The following ATP9B variants were observed in gnomAD, a reference collection of about 807,000 sequenced individuals.
ATP9B encodes the protein ATPase phospholipid transporting 9B, also known as probable phospholipid-transporting ATPase IIB.
ATP9B carries 110 observed loss-of-function variants against 146.1 expected under a neutral mutation model. The ratio of observed to expected loss-of-function variants is 0.75; its 90% confidence interval spans 0.65 to 0.88. ATP9B has a LOEUF of 0.88. Among genes scored for constraint, ATP9B ranks in the 40% least tolerant of loss-of-function variants. The probability of loss-of-function intolerance (pLI) is 0.00; values close to 1 mark genes in which losing one functional copy is unlikely to be tolerated. For missense variants in ATP9B, 1,499 were observed against 1,496.4 expected (o/e 1.00, Z -0.03); for synonymous variants, 604 against 569.7 (o/e 1.06, Z -0.86).
At chr18:79,125,348 A>G (rs2094265456) in intron 4 of ATP9B, among the ~76,000 whole-genome samples, 1 of 152,224 alleles carries the variant, frequency 6.6e-6, no homozygotes, top group Non-Finnish European at 1.5e-5. Flanking sequence ...AGAAGAATCC[A>G]TGTTTAAGTC....
At chr18:79,288,500 A>G (rs1412490443) in intron 13 of ATP9B, among the ~76,000 whole-genome samples, 3 of 151,890 alleles carry the variant, frequency 2.0e-5, no homozygotes, top group African/African-American at 4.8e-5. Flanking sequence ...TTTTGAGCCT[A>G]TGTCTGTCTC....
At chr18:79,147,231 A>AG (rs1010560918) in intron 6 of ATP9B, among the ~76,000 whole-genome samples, 1 of 145,622 alleles carries the variant, frequency 6.9e-6, no homozygotes, top group Non-Finnish European at 1.5e-5. Context: ...AGCTGAAAAA[A>AG]GTAGGCAAGT....
intron 29 of ATP9B, chr18:79,376,334 A>G (rs2097103259): frequency 9.1e-6 from 9 of 985,132 alleles, no homozygotes; most frequent in Non-Finnish European, 1.1e-5. Flanking sequence ...AAATTCTGCC[A>G]CAGAGTGTTG....
chr18:79,277,259 T>C (rs2096321652), intron 13 of ATP9B, 63 bp downstream of exon 13: 3 of 1,577,188 alleles, frequency 1.9e-6, no homozygotes, highest in Non-Finnish European at 2.6e-6. Flanking sequence ...AAAAATAGCA[T>C]AGCGTATAGA....
At chr18:79,327,136 C>T (rs2096752024) in intron 15 of ATP9B, among the ~76,000 whole-genome samples, 4 of 152,236 alleles carry the variant, frequency 2.6e-5, no homozygotes. Flanking sequence ...GATTTAATAT[C>T]CTGTGCACTA....
intron 19 of ATP9B, among the ~76,000 whole-genome samples, chr18:79,341,346 T>C (rs1041913346): frequency 6.0e-4 from 78 of 130,460 alleles, no homozygotes; most frequent in African/African-American, 2.2e-3. Flanking sequence ...GAAGTCTGTG[T>C]TGCCGACACA....
At chr18:79,155,051 T>A (rs1329482327) in intron 7 of ATP9B, among the ~76,000 whole-genome samples, 1 of 152,236 alleles carries the variant, frequency 6.6e-6, no homozygotes, top group African/African-American at 2.4e-5. Flanking sequence ...TACTTAAAAT[T>A]TGATGGCTAT....
In ATP9B at chr18:79,327,810, CGTGTTCTCCGTGGTTAGT is replaced by C. The variant is rs2096764979; in HGVS notation, c.1774-1313_1774-1296del. ...TGGTTAGCGTGCTCTCCGTGGTTAGCGTGTTCTCCGTGGTTAGTGTGTTCTCCGTGGTTAGCGTGCTCT... is the reference window on the plus strand; with the variant it reads ...TGGTTAGCGTGCTCTCCGTGGTTAGCGTGTTCTCCGTGGTTAGCGTGCTCT... On this transcript the variant is annotated intron_variant, in intron 15 of 29. Transcript: ENST00000426216. Among the ~76,000 whole-genome samples the C allele has an allele frequency of 2.8e-4, 30 of 105,508 alleles. 2 individuals are homozygous for C. The highest frequency in any genetic ancestry group is 4.0e-4 in the Admixed American group (4 of 9,916). The allele number at this position is 105,508 out of a possible 152,430, so 69.2% of individuals were successfully genotyped here.
Position 79,329,630 on chromosome 18 carries a change from T to C in ATP9B, c.1935+328T>C, listed in dbSNP as rs1329079485. Among the ~76,000 whole-genome samples, 3 of 152,352 alleles carry C rather than the reference T, an allele frequency of 2.0e-5. No homozygotes were observed. The East Asian group carries it at 5.8e-4, about 29-fold the overall frequency. On this transcript the variant is annotated intron_variant, in intron 16 of 29. Transcript: ENST00000426216. ...AAAGAGTTTGACTTTTGTACATTGA[T>C]TTATGACCATAAAGTTGCCAAAACG...
At chr18:79,080,234 G>A (rs948036993) in intron 1 of ATP9B, among the ~76,000 whole-genome samples, 4 of 152,218 alleles carry the variant, frequency 2.6e-5, no homozygotes, top group African/African-American at 9.7e-5. Context: ...ACTTTGGGCA[G>A]TATGGTCATT....
chr18:79,245,744 G>GCTGACTGAGGAGGGCACCGCCCTA (rs1215725561), intron 11 of ATP9B, among the ~76,000 whole-genome samples: 8 of 80,274 alleles, frequency 1.0e-4, no homozygotes, highest in African/African-American at 3.4e-4. Flanking sequence ...ACACCGCCCT[G>GCTGACTGAGGAGGGCACCGCCCTA]CTGACTGAGG....
chr18:79,135,874 T>C (rs66928621), intron 5 of ATP9B, among the ~76,000 whole-genome samples: 31,750 of 152,012 alleles, frequency 0.21, 3,673 homozygotes, highest in East Asian at 0.5. Context: ...TCAGTCGTTG[T>C]CAGTACTGTT....
At chr18:79,212,995 G>A (rs2095597734) in intron 10 of ATP9B, among the ~76,000 whole-genome samples, 1 of 152,070 alleles carries the variant, frequency 6.6e-6, no homozygotes, top group Non-Finnish European at 1.5e-5. Flanking sequence ...TGTATAATAT[G>A]TAACATATCA....
intron 13 of ATP9B, among the ~76,000 whole-genome samples, chr18:79,287,890 G>A (rs1160538741): frequency 1.3e-5 from 2 of 150,060 alleles, no homozygotes; most frequent in South Asian, 4.2e-4. Flanking sequence ...TAGTCATTCA[G>A]GAGCAGGTTG....
chr18:79,184,976 T>C (rs1370833473), intron 8 of ATP9B, among the ~76,000 whole-genome samples: 1 of 120,082 alleles, frequency 8.3e-6, no homozygotes, highest in African/African-American at 4.4e-5. Context: ...TAGAAAAAAT[T>C]TGTCTGAAAA....
At chr18:79,179,026 A>G (rs991723301) in intron 8 of ATP9B, among the ~76,000 whole-genome samples, 1 of 152,202 alleles carries the variant, frequency 6.6e-6, no homozygotes, top group Admixed American at 6.5e-5. Context: ...TTGTGAATTG[A>G]ATTTCTTTGG....
At chr18:79,292,669 T>TTA (rs549045959) in intron 13 of ATP9B, among the ~76,000 whole-genome samples, 5 of 143,944 alleles carry the variant, frequency 3.5e-5, no homozygotes, top group African/African-American at 1.3e-4. Context: ...ATTTCTTCTT[T>TTA]AAAAAAAAAA....
chr18:79,238,173 A>G (rs1374888788), intron 11 of ATP9B, among the ~76,000 whole-genome samples: 2 of 152,220 alleles, frequency 1.3e-5, no homozygotes, highest in Non-Finnish European at 2.9e-5. Flanking sequence ...CTGCATTTTA[A>G]GTACAGATCC....
At chr18:79,181,835 G>A (rs1476792403) in intron 8 of ATP9B, among the ~76,000 whole-genome samples, 1 of 151,998 alleles carries the variant, frequency 6.6e-6, no homozygotes, top group Non-Finnish European at 1.5e-5. Context: ...TCAACGGTTT[G>A]TAATGCTTAA....
Sources: gnomAD v4.1 joint callset for allele counts (sites outside exome capture counted in the v4.1 genomes callset) on GRCh38, gnomAD v4.1.1 for gene constraint, MANE v1.5 for transcripts, NCBI Gene and HGNC (gene_info 2026-07-23, HGNC 2026-07-21) for gene names.